The following KCNQ5 variants were observed in gnomAD, a reference collection of about 807,000 sequenced individuals.
The protein encoded by KCNQ5 is potassium voltage-gated channel subfamily Q member 5, also known as potassium voltage-gated channel subfamily KQT member 5.
KCNQ5 carries 30 observed loss-of-function variants against 98.2 expected under a neutral mutation model. That is an observed-to-expected ratio of 0.31 (90% CI 0.23 to 0.41). KCNQ5 has a LOEUF of 0.41. KCNQ5 is among the 10% of genes least tolerant of loss of function. The probability of loss-of-function intolerance (pLI) is 1.00; values close to 1 mark genes in which losing one functional copy is unlikely to be tolerated. For synonymous variants in KCNQ5, 458 were observed against 449.4 expected, an observed-to-expected ratio of 1.02 and a Z score of -0.24; for missense variants, 835 against 1,182.5, an observed-to-expected ratio of 0.71 and a Z score of 4.31.
chr6:72,901,337 C>T (rs1323778234), intron 1 of KCNQ5, among the ~76,000 whole-genome samples: 1 of 152,042 alleles, frequency 6.6e-6, no homozygotes, highest in Admixed American at 6.6e-5. Context: ...TTTTGTCATG[C>T]AAAAGCTCTT....
chr6:72,881,688 T>G, intron 1 of KCNQ5, among the ~76,000 whole-genome samples: 1 of 152,098 alleles, frequency 6.6e-6, no homozygotes, highest in Non-Finnish European at 1.5e-5. Flanking sequence ...ATATTACTTT[T>G]TTATTTTATT....
chr6:72,955,502 A>G (rs1428877686), intron 1 of KCNQ5, among the ~76,000 whole-genome samples: 1 of 152,164 alleles, frequency 6.6e-6, no homozygotes, highest in African/African-American at 2.4e-5. Flanking sequence ...TGCTCACCCT[A>G]ATCTATTATA....
At chr6:72,745,126 C>G (rs1046865824) in intron 1 of KCNQ5, among the ~76,000 whole-genome samples, 1 of 152,164 alleles carries the variant, frequency 6.6e-6, no homozygotes, top group African/African-American at 2.4e-5. Flanking sequence ...CTCAGCTCTT[C>G]TGTGTCTCTG....
chr6:72,708,546 G>T (rs1769205476), intron 1 of KCNQ5, among the ~76,000 whole-genome samples: 1 of 152,034 alleles, frequency 6.6e-6, no homozygotes, highest in African/African-American at 2.4e-5. Context: ...GCGGGGACAG[G>T]GTCTCACTCT....
chr6:72,979,468 A>T (rs945430515), intron 1 of KCNQ5, among the ~76,000 whole-genome samples: 4 of 152,118 alleles, frequency 2.6e-5, no homozygotes, highest in Non-Finnish European at 5.9e-5. Flanking sequence ...CTGCATAAAT[A>T]TCTTCTTTTG....
intron 1 of KCNQ5, among the ~76,000 whole-genome samples, chr6:72,680,481 T>C (rs1469776649): frequency 6.6e-6 from 1 of 152,190 alleles, no homozygotes; most frequent in Non-Finnish European, 1.5e-5. Context: ...TTCTGAAGAG[T>C]AGGAGCAGGA....
intron 1 of KCNQ5, among the ~76,000 whole-genome samples, chr6:72,642,142 A>G (rs12200468): frequency 0.13 from 19,613 of 148,832 alleles, 1,436 homozygotes; most frequent in Non-Finnish European, 0.18. Context: ...GAAGAGGGTT[A>G]GCTTGGCCCT....
chr6:72,627,116 G>A (rs920039588), intron 1 of KCNQ5, among the ~76,000 whole-genome samples: 3 of 152,292 alleles, frequency 2.0e-5, no homozygotes, highest in South Asian at 2.1e-4. Context: ...AACCAGAACT[G>A]TTTCTGGCAC....
chr6:72,950,686 G>T (rs182431820), intron 1 of KCNQ5, among the ~76,000 whole-genome samples: 1 of 146,284 alleles, frequency 6.8e-6, no homozygotes, highest in Admixed American at 6.8e-5. Context: ...GTGTGTGTCG[G>T]AGGGCATTGG....
chr6:72,710,482 G>T (rs1204675214), intron 1 of KCNQ5, among the ~76,000 whole-genome samples: 1 of 152,176 alleles, frequency 6.6e-6, no homozygotes, highest in African/African-American at 2.4e-5. Flanking sequence ...GACTGAAAGT[G>T]CAGGAATGGG....
intron 10 of KCNQ5, among the ~76,000 whole-genome samples, chr6:73,157,107 C>T (rs1300148680): frequency 6.6e-6 from 1 of 152,230 alleles, no homozygotes; most frequent in Non-Finnish European, 1.5e-5. Context: ...ACAAACTGTA[C>T]ACTCACATAT....
At chr6:73,121,466 T>A (rs1180697658) in intron 8 of KCNQ5, among the ~76,000 whole-genome samples, 1 of 152,156 alleles carries the variant, frequency 6.6e-6, no homozygotes, top group African/African-American at 2.4e-5. Context: ...AAGCAGTAAG[T>A]CATGAGAAAG....
intron 2 of KCNQ5, among the ~76,000 whole-genome samples, chr6:73,030,815 G>A (rs1383986582): frequency 1.3e-5 from 2 of 152,176 alleles, no homozygotes; most frequent in African/African-American, 4.8e-5. Context: ...TTTCTCCTCT[G>A]AAAGCCATGA....
intron 1 of KCNQ5, among the ~76,000 whole-genome samples, chr6:72,984,470 CT>C (rs1235539678): frequency 6.6e-6 from 1 of 152,200 alleles, no homozygotes; most frequent in Non-Finnish European, 1.5e-5. Context: ...TCTTGGACTG[CT>C]GTGCTAGCAG....
intron 7 of KCNQ5, among the ~76,000 whole-genome samples, chr6:73,113,195 A>C (rs747346508): frequency 6.6e-6 from 1 of 152,172 alleles, no homozygotes; most frequent in African/African-American, 2.4e-5. Flanking sequence ...AATACTTCTA[A>C]TAAGTTTTTC....
intron 3 of KCNQ5, among the ~76,000 whole-genome samples, chr6:73,058,337 C>CG (rs1283006814): frequency 1.3e-5 from 2 of 151,822 alleles, no homozygotes; most frequent in South Asian, 2.1e-4. Context: ...GCGTGAACCC[C>CG]GGGGGGCGGA....
At chr6:73,055,296 T>C (rs1319035831) in intron 3 of KCNQ5, 13 of 1,404,548 alleles carry the variant, frequency 9.3e-6, no homozygotes, top group Non-Finnish European at 1.2e-5. Context: ...TTCTGGACAG[T>C]GCTAGATGCC....
chr6:72,664,410 T>C (rs1766688204), intron 1 of KCNQ5, among the ~76,000 whole-genome samples: 1 of 152,054 alleles, frequency 6.6e-6, no homozygotes, highest in South Asian at 2.1e-4. Flanking sequence ...TCCCAGCACG[T>C]TGGGAGGCTG....
chr6:72,736,303 C>T (rs1475252225), intron 1 of KCNQ5, among the ~76,000 whole-genome samples: 1 of 151,804 alleles, frequency 6.6e-6, no homozygotes, highest in Non-Finnish European at 1.5e-5. Flanking sequence ...TAAAAAGTGG[C>T]AGCAATCTCA....
Sources: allele counts gnomAD v4.1 joint callset (sites outside exome capture counted in the v4.1 genomes callset), GRCh38; gene constraint gnomAD v4.1.1; transcripts MANE v1.5; gene names NCBI Gene and HGNC (gene_info 2026-07-23, HGNC 2026-07-21).